The following CSMD1 variants were observed in gnomAD, a reference collection of about 807,000 sequenced individuals.
The protein encoded by CSMD1 is CUB and Sushi multiple domains 1.
In CSMD1, 213 loss-of-function variants were observed where a neutral mutation model predicts 417.5. The observed-to-expected ratio is 0.51, with a 90% CI of 0.46 to 0.57. CSMD1 has a LOEUF of 0.57. CSMD1 is among the 20% of genes least tolerant of loss of function. The pLI, the probability that CSMD1 is intolerant of heterozygous loss-of-function variation, is 0.00. For synonymous variants in CSMD1, 2,862 were observed against 1,736.8 expected, an observed-to-expected ratio of 1.65 and a Z score of -16.11; for missense variants, 6,923 against 4,529.7, an observed-to-expected ratio of 1.53 and a Z score of -15.17.
At chr8:4,409,013 A>G (rs564485885) in intron 3 of CSMD1, among the ~76,000 whole-genome samples, 1 of 152,208 alleles carries the variant, frequency 6.6e-6, no homozygotes, top group African/African-American at 2.4e-5. Context: ...CTCTGAAGAC[A>G]AAACAAATAT....
At chr8:3,720,419 T>G (rs192283358) in intron 6 of CSMD1, among the ~76,000 whole-genome samples, 1 of 152,200 alleles carries the variant, frequency 6.6e-6, no homozygotes, top group African/African-American at 2.4e-5. Flanking sequence ...ACAACCTCAC[T>G]GTAAACTATT....
intron 3 of CSMD1, among the ~76,000 whole-genome samples, chr8:4,380,622 G>T (rs1040589276): frequency 6.6e-6 from 1 of 152,098 alleles, no homozygotes; most frequent in Non-Finnish European, 1.5e-5. Flanking sequence ...AATGCGGTAC[G>T]GACTGTAGTC....
chr8:4,114,005 A>C (rs1020101525), intron 3 of CSMD1, among the ~76,000 whole-genome samples: 1 of 152,252 alleles, frequency 6.6e-6, no homozygotes, highest in African/African-American at 2.4e-5. Context: ...TAGAAGCTGC[A>C]GCACGTTCTC....
intron 3 of CSMD1, among the ~76,000 whole-genome samples, chr8:4,130,202 C>A (rs146624296): frequency 2.2e-4 from 34 of 152,252 alleles, no homozygotes; most frequent in African/African-American, 7.5e-4. Flanking sequence ...TTGAGTGGCT[C>A]AGGGTCCCTC....
At chr8:4,124,236 G>A (rs886835330) in intron 3 of CSMD1, among the ~76,000 whole-genome samples, 1 of 152,092 alleles carries the variant, frequency 6.6e-6, no homozygotes, top group Non-Finnish European at 1.5e-5. Context: ...AGGGGAGTGT[G>A]AGGCCTGAGG....
At chr8:4,161,155 A>G (rs1479550418) in intron 3 of CSMD1, among the ~76,000 whole-genome samples, 7 of 152,158 alleles carry the variant, frequency 4.6e-5, no homozygotes, top group Non-Finnish European at 1.0e-4. Context: ...AGACATGATA[A>G]AAGTTCAGAA....
At chr8:4,431,622 A>C (rs1289535651) in intron 2 of CSMD1, among the ~76,000 whole-genome samples, 2 of 152,186 alleles carry the variant, frequency 1.3e-5, no homozygotes, top group Non-Finnish European at 2.9e-5. Flanking sequence ...ACCAAAACGA[A>C]AAACAGACAA....
At chr8:4,670,377 T>C (rs750489660) in intron 1 of CSMD1, among the ~76,000 whole-genome samples, 20 of 152,154 alleles carry the variant, frequency 1.3e-4, no homozygotes, top group Non-Finnish European at 2.5e-4. Flanking sequence ...ATGAAATACA[T>C]GTTCTCCTAA....
At chr8:3,271,774 GTTGT>G (rs1175152040) in intron 26 of CSMD1, among the ~76,000 whole-genome samples, 13 of 152,032 alleles carry the variant, frequency 8.6e-5, no homozygotes, top group African/African-American at 2.7e-4. Flanking sequence ...TTTTGATGGG[GTTGT>G]TTGTTTTTTT....
chr8:3,508,629 A>C (rs1394652874), intron 10 of CSMD1, among the ~76,000 whole-genome samples: 2 of 152,172 alleles, frequency 1.3e-5, no homozygotes, highest in African/African-American at 2.4e-5. Flanking sequence ...AAAATCACTG[A>C]TTTATTCAAT....
intron 6 of CSMD1, among the ~76,000 whole-genome samples, chr8:3,742,205 T>C (rs1257153355): frequency 6.6e-6 from 1 of 152,166 alleles, no homozygotes; most frequent in African/African-American, 2.4e-5. Flanking sequence ...GAAGTGATCA[T>C]TCCAATCTGG....
chr8:3,096,075 T>C (rs1815272170), intron 47 of CSMD1, among the ~76,000 whole-genome samples: 1 of 152,188 alleles, frequency 6.6e-6, no homozygotes, highest in East Asian at 1.9e-4. Flanking sequence ...CTAAGTTTCC[T>C]AAAATATCTT....
rs900441602 is a variant in CSMD1, at chr8:3,003,342, A to G, written c.8030-3211T>C. Among the ~76,000 whole-genome samples the G allele has an allele frequency of 2.6e-5, 4 of 152,170 alleles. No individual in the cohort carries two copies. In the East Asian group the frequency reaches 7.7e-4, roughly 29 times the overall value. ...TATGTGAGTTACCTTTTCTTTTAAT[A>G]TCTCTGATGTAGTCTTGGTTTTGAG... On this transcript the variant is annotated intron_variant, in intron 52 of 69. Transcript: ENST00000635120.
chr8:4,589,737 C>A (rs768949618), intron 2 of CSMD1, among the ~76,000 whole-genome samples: 1 of 152,060 alleles, frequency 6.6e-6, no homozygotes. Flanking sequence ...GCCATTATCA[C>A]GGCCAAAAAA....
intron 5 of CSMD1, among the ~76,000 whole-genome samples, chr8:3,782,535 T>C (rs1563074548): frequency 6.6e-6 from 1 of 152,130 alleles, no homozygotes; most frequent in Non-Finnish European, 1.5e-5. Flanking sequence ...TGAGGAGAAA[T>C]ACCTAAGGTA....
intron 3 of CSMD1, among the ~76,000 whole-genome samples, chr8:4,093,541 G>A (rs1800828833): frequency 1.3e-5 from 2 of 152,110 alleles, no homozygotes; most frequent in African/African-American, 2.4e-5. Flanking sequence ...CATACTACGA[G>A]TTTTCTCTTT....
In CSMD1 at chr8:3,586,128, T is replaced by G. The variant is rs1274092195; in HGVS notation, c.1222+8A>C. The G allele has an allele frequency of 6.2e-7, 1 of 1,609,704 alleles. No individual in the cohort carries two copies. Among genetic ancestry groups the G allele is most frequent in the Non-Finnish European group, 8.5e-7 (1 of 1,178,464 alleles). On this transcript the variant is annotated splice_region_variant and intron_variant, in intron 9 of 69. Transcript: ENST00000635120. Reference sequence around the variant, plus strand: ...TAATCCAGGCTTTACCCACCGCAGGTGCCTTACCTCGGCAGATGGGCCTGT... The same window carrying G: ...TAATCCAGGCTTTACCCACCGCAGGGGCCTTACCTCGGCAGATGGGCCTGT...
At chr8:4,670,468 G>C (rs1160016509) in intron 1 of CSMD1, among the ~76,000 whole-genome samples, 4 of 152,116 alleles carry the variant, frequency 2.6e-5, no homozygotes, top group African/African-American at 9.7e-5. Flanking sequence ...TAGATACGTG[G>C]TGGTCTTTTA....
chr8:4,793,376 A>G (rs1469187833), intron 1 of CSMD1, among the ~76,000 whole-genome samples: 1 of 152,150 alleles, frequency 6.6e-6, no homozygotes, highest in Non-Finnish European at 1.5e-5. Flanking sequence ...TGAAACATAG[A>G]ATAAATTTTG....
Sources: gnomAD v4.1 joint callset for allele counts (sites outside exome capture counted in the v4.1 genomes callset) on GRCh38, gnomAD v4.1.1 for gene constraint, MANE v1.5 for transcripts, NCBI Gene and HGNC (gene_info 2026-07-23, HGNC 2026-07-21) for gene names.